The following MICU2 variants were observed in gnomAD, a reference collection of about 807,000 sequenced individuals.
MICU2 encodes calcium uptake protein 2, mitochondrial.
Under a neutral mutation model 60.4 loss-of-function variants are expected in MICU2, and 64 were observed. The observed-to-expected ratio is 1.06, with a 90% CI of 0.87 to 1.31. MICU2 has a LOEUF of 1.31. MICU2 is among the 50% of genes most tolerant of loss of function. The pLI is 0.00. For missense variants in MICU2, 569 were observed against 531.0 expected, an observed-to-expected ratio of 1.07 and a Z score of -0.70; for synonymous variants, 201 against 175.0, an observed-to-expected ratio of 1.15 and a Z score of -1.17.
At chr13:21,585,717 C>T (rs1043735566) in intron 1 of MICU2, among the ~76,000 whole-genome samples, 1 of 152,258 alleles carries the variant, frequency 6.6e-6, no homozygotes, top group Admixed American at 6.5e-5. Flanking sequence ...GATTCTACAA[C>T]TAATAAAACT....
intron 3 of MICU2, 79 bp downstream of exon 3, chr13:21,539,578 G>A (rs1593333946): frequency 1.9e-6 from 3 of 1,573,234 alleles, no homozygotes; most frequent in African/African-American, 1.4e-5. Flanking sequence ...GATTACAGGT[G>A]TGAGCCACCG....
At chr13:21,521,433 A>G in intron 5 of MICU2, 106 bp from the exon 6 acceptor site, 1 of 751,524 alleles carries the variant, frequency 1.3e-6, no homozygotes, top group South Asian at 1.9e-5. Flanking sequence ...CTGTATGAGT[A>G]AGTGCCTACA....
At chr13:21,539,263 A>T in intron 4 of MICU2, 39 bp downstream of exon 4, 1 of 1,545,052 alleles carries the variant, frequency 6.5e-7, no homozygotes, top group Non-Finnish European at 8.9e-7. Flanking sequence ...CAGTTAAATA[A>T]AACACATAAC....
At chr13:21,585,163 AG>A (rs1169169426) in intron 1 of MICU2, among the ~76,000 whole-genome samples, 1 of 152,214 alleles carries the variant, frequency 6.6e-6, no homozygotes, top group African/African-American at 2.4e-5. Context: ...ATCTAATTAC[AG>A]GGTATAACTT....
chr13:21,539,308 C>A lies in MICU2; in HGVS notation c.460G>T (p.Asp154Tyr), dbSNP rs140786216. 16 of 1,613,240 alleles carry A rather than the reference C, an allele frequency of 9.9e-6. No homozygotes were observed. Among genetic ancestry groups the A allele is most frequent in the African/African-American group, 1.3e-5 (1 of 74,838 alleles). ...CGSTFFRDLG[D>Y]KGLISYTEYL... ...AACAACAAACCAAAATTACCTTTATCGCCAAGGTCTCTGAAAAAAGTTGAT... is the reference window on the plus strand; with the variant it reads ...AACAACAAACCAAAATTACCTTTATAGCCAAGGTCTCTGAAAAAAGTTGAT... Residue 154 changes from aspartate to tyrosine, a missense_variant, in exon 4 of 12, where the codon GAT (aspartate) becomes TAT (tyrosine). Asp to Tyr is a radical substitution (Grantham distance 160). Coordinates refer to ENST00000382374, the MANE Select transcript of MICU2 (RefSeq NM_152726.3).
At chr13:21,589,290 G>C (rs1453447275) in intron 1 of MICU2, among the ~76,000 whole-genome samples, 1 of 152,188 alleles carries the variant, frequency 6.6e-6, no homozygotes, top group African/African-American at 2.4e-5. Context: ...TTCCCTCACA[G>C]CCGTAATGGG....
At chr13:21,542,616 T>C (rs747653574) in intron 2 of MICU2, among the ~76,000 whole-genome samples, 2 of 152,204 alleles carry the variant, frequency 1.3e-5, no homozygotes, top group Non-Finnish European at 2.9e-5. Context: ...TAATGTTTCA[T>C]TGTATGAATA....
At chr13:21,517,791 ACACACACACGCGCGCGCG>A (rs1402930194) in intron 6 of MICU2, among the ~76,000 whole-genome samples, 68 of 98,038 alleles carry the variant, frequency 6.9e-4, no homozygotes, top group African/African-American at 1.5e-3. Context: ...ACACACACAC[ACACACACACGCGCGCGCG>A]CGCGCACACG....
At chr13:21,594,123 A>T (rs918702590) in intron 1 of MICU2, among the ~76,000 whole-genome samples, 15 of 152,208 alleles carry the variant, frequency 9.9e-5, no homozygotes, top group Non-Finnish European at 2.9e-5. Flanking sequence ...AATTTTTGCA[A>T]TCTACCCATC....
chr13:21,541,799 A>G lies in MICU2; in HGVS notation c.359-2111T>C, dbSNP rs371473089. On this transcript the variant is annotated intron_variant, in intron 2 of 11. Coordinates refer to ENST00000382374, the MANE Select transcript of MICU2 (RefSeq NM_152726.3). ...ATAATTATGCATGGTACGATTATAG[A>G]GGCAGTTTTGCTGCTTTTCATTATT... 5.8e-3 allele frequency among the ~76,000 whole-genome samples: 878 copies of G among 152,322 alleles called. 9 individuals are homozygous for G. Among genetic ancestry groups the G allele is most frequent in the African/African-American group, 0.02 (846 of 41,580 alleles).
At chr13:21,571,595 G>C (rs1288528541) in intron 1 of MICU2, among the ~76,000 whole-genome samples, 4 of 152,222 alleles carry the variant, frequency 2.6e-5, no homozygotes, top group Admixed American at 6.5e-5. Context: ...CTACTCGGGA[G>C]GCTGAAGCAG....
intron 2 of MICU2, among the ~76,000 whole-genome samples, chr13:21,564,580 T>C (rs141319755): frequency 3.1e-4 from 47 of 152,116 alleles, no homozygotes; most frequent in African/African-American, 1.1e-3. Flanking sequence ...TCAAAAGCGG[T>C]TCTCAGTTTT....
At chr13:21,577,804 CAAA>C (rs56200015) in intron 1 of MICU2, among the ~76,000 whole-genome samples, 13 of 47,898 alleles carry the variant, frequency 2.7e-4, no homozygotes, top group African/African-American at 7.4e-4. Flanking sequence ...GACTCGGTCT[CAAA>C]AAAAAAAAAA....
intron 4 of MICU2, among the ~76,000 whole-genome samples, chr13:21,538,937 T>C (rs901857068): frequency 6.6e-6 from 1 of 152,144 alleles, no homozygotes. Flanking sequence ...AGTTCCCTTT[T>C]TCTTTAACAC....
chr13:21,493,317 A>C lies in MICU2; in HGVS notation c.1237T>G (p.Cys413Gly). 6.2e-7 allele frequency: 1 copy of C among 1,610,522 alleles called. No individual in the cohort carries two copies. Among genetic ancestry groups the C allele is most frequent in the South Asian group, 1.1e-5 (1 of 90,244 alleles). ...QHQSIQEYWKCVKKESIKGVK... is the reference protein window; with the variant it reads ...QHQSIQEYWKGVKKESIKGVK... ...CCTTTAATGCTTTCTTTCTTCACACACTTCCAGTATTCTTGTATACTCTGA... is the reference window on the plus strand; with the variant it reads ...CCTTTAATGCTTTCTTTCTTCACACCCTTCCAGTATTCTTGTATACTCTGA... Residue 413 changes from cysteine to glycine, a missense_variant, in exon 12 of 12, where the codon TGT (cysteine) becomes GGT (glycine). By Grantham distance (159) the Cys-to-Gly change is radical. Coordinates refer to ENST00000382374, the MANE Select transcript of MICU2 (RefSeq NM_152726.3).
chr13:21,586,716 C>T (rs1427948446), intron 1 of MICU2, among the ~76,000 whole-genome samples: 2 of 152,100 alleles, frequency 1.3e-5, no homozygotes, highest in East Asian at 3.9e-4. Context: ...TGGCGTGTTA[C>T]AGCATATATT....
chr13:21,532,812 G>T (rs1319923269), intron 4 of MICU2, among the ~76,000 whole-genome samples: 2 of 152,166 alleles, frequency 1.3e-5, no homozygotes, highest in Non-Finnish European at 2.9e-5. Context: ...GGTGGAGTGG[G>T]TACCAGGCTG....
chr13:21,522,662 A>G lies in MICU2; in HGVS notation c.467-12T>C, dbSNP rs947515491. 6.3e-7 allele frequency: 1 copy of G among 1,585,120 alleles called. No homozygotes were observed. Among genetic ancestry groups the G allele is most frequent in the Non-Finnish European group, 8.6e-7 (1 of 1,162,004 alleles). ...ATATGAAATTAGCCCTGAAAGAGATAAAAACATACCAGAAAATAAGCTTTA... is the reference window on the plus strand; with the variant it reads ...ATATGAAATTAGCCCTGAAAGAGATGAAAACATACCAGAAAATAAGCTTTA... On this transcript the variant is annotated splice_polypyrimidine_tract_variant and intron_variant, in intron 4 of 11. Coordinates refer to ENST00000382374, the MANE Select transcript of MICU2 (RefSeq NM_152726.3).
chr13:21,508,505 T>C (rs1886350041), intron 8 of MICU2, among the ~76,000 whole-genome samples: 1 of 152,214 alleles, frequency 6.6e-6, no homozygotes, highest in African/African-American at 2.4e-5. Context: ...GCCAGAGTGA[T>C]GGGCACATCT....
Sources: allele counts gnomAD v4.1 joint callset (sites outside exome capture counted in the v4.1 genomes callset), GRCh38; gene constraint gnomAD v4.1.1; transcripts MANE v1.5; gene names NCBI Gene and HGNC (gene_info 2026-07-23, HGNC 2026-07-21).